The following DLGAP2 variants were observed in gnomAD, a reference collection of about 807,000 sequenced individuals.
The protein encoded by DLGAP2 is disks large-associated protein 2.
A neutral mutation model predicts 100.3 loss-of-function variants in DLGAP2; 26 were observed. The observed-to-expected ratio is 0.26, with a 90% CI of 0.19 to 0.36. The LOEUF is 0.36. DLGAP2 is among the 10% of genes least tolerant of loss of function. The probability of loss-of-function intolerance (pLI) is 1.00; values close to 1 mark genes in which losing one functional copy is unlikely to be tolerated. For missense variants in DLGAP2, 1,858 were observed against 1,453.2 expected, an observed-to-expected ratio of 1.28 and a Z score of -4.53; for synonymous variants, 886 against 630.1, an observed-to-expected ratio of 1.41 and a Z score of -6.08.
chr8:1,188,136 G>A (rs1441567554), intron 2 of DLGAP2, among the ~76,000 whole-genome samples: 69 of 55,542 alleles, frequency 1.2e-3, no homozygotes, highest in African/African-American at 1.9e-3. Flanking sequence ...ACGGAATCTC[G>A]CACGCCCGGG....
intron 1 of DLGAP2, among the ~76,000 whole-genome samples, chr8:813,813 AG>A (rs2132674343): frequency 6.6e-6 from 1 of 152,294 alleles, no homozygotes; most frequent in South Asian, 2.1e-4. Flanking sequence ...GCAGATAAAC[AG>A]TGAGATGCCT....
chr8:1,311,727 TTAGAAG>T (rs1800618949), intron 3 of DLGAP2, among the ~76,000 whole-genome samples: 1 of 151,344 alleles, frequency 6.6e-6, no homozygotes, highest in Non-Finnish European at 1.5e-5. Context: ...TCTTATAAAA[TTAGAAG>T]TAGAAGGAAA....
chr8:994,038 C>G (rs899625756), intron 2 of DLGAP2, among the ~76,000 whole-genome samples: 1 of 152,060 alleles, frequency 6.6e-6, no homozygotes. Context: ...TGCACTTAAA[C>G]CCAGCAGGCG....
At chr8:1,254,472 G>T (rs561289315) in intron 2 of DLGAP2, among the ~76,000 whole-genome samples, 15 of 152,150 alleles carry the variant, frequency 9.9e-5, no homozygotes, top group Non-Finnish European at 8.8e-5. Context: ...CTTCTATGTC[G>T]TGGGCCTCCT....
chr8:1,337,829 A>T (rs891592587), intron 3 of DLGAP2, among the ~76,000 whole-genome samples: 3 of 152,222 alleles, frequency 2.0e-5, no homozygotes, highest in South Asian at 2.1e-4. Context: ...TTATATAAAG[A>T]ATTCTTCCAA....
chr8:1,500,382 C>T (rs1449592302), intron 3 of DLGAP2, among the ~76,000 whole-genome samples: 1 of 150,774 alleles, frequency 6.6e-6, no homozygotes. Flanking sequence ...GGCAGAGCCT[C>T]CCTGAGATCC....
intron 4 of DLGAP2, among the ~76,000 whole-genome samples, chr8:1,504,309 C>G (rs910422253): frequency 6.6e-6 from 1 of 151,904 alleles, no homozygotes; most frequent in Non-Finnish European, 1.5e-5. Flanking sequence ...GTATAGTATA[C>G]AACGTGATGT....
chr8:1,142,546 C>G (rs1585099004), intron 2 of DLGAP2, among the ~76,000 whole-genome samples: 1 of 152,180 alleles, frequency 6.6e-6, no homozygotes. Context: ...GAAGATAAAA[C>G]ATGGCATTTC....
chr8:1,102,338 ATAAT>A (rs2129043971), intron 2 of DLGAP2, among the ~76,000 whole-genome samples: 1 of 147,696 alleles, frequency 6.8e-6, no homozygotes, highest in Non-Finnish European at 1.5e-5. Flanking sequence ...AATTACATAT[ATAAT>A]TATATATTAT....
chr8:1,333,623 G>A (rs886985370), intron 3 of DLGAP2, among the ~76,000 whole-genome samples: 3 of 152,218 alleles, frequency 2.0e-5, no homozygotes, highest in African/African-American at 7.2e-5. Context: ...GGCAGCGACT[G>A]TGGCGTGAGA....
intron 2 of DLGAP2, among the ~76,000 whole-genome samples, chr8:916,090 C>T (rs934858616): frequency 1.3e-5 from 2 of 152,088 alleles, no homozygotes; most frequent in African/African-American, 2.4e-5. Flanking sequence ...GTCCATCTGT[C>T]CCAGGGCGTG....
intron 3 of DLGAP2, among the ~76,000 whole-genome samples, chr8:1,345,582 G>A (rs1321215646): frequency 6.6e-6 from 1 of 152,222 alleles, no homozygotes; most frequent in African/African-American, 2.4e-5. Flanking sequence ...TTGTGTGGAT[G>A]TAATTCCTTG....
chr8:1,622,105 TACAC>T (rs761766196), intron 6 of DLGAP2: 11 of 152,258 alleles, frequency 7.2e-5, no homozygotes, highest in Non-Finnish European at 1.3e-4. Flanking sequence ...GGTGGAATAA[TACAC>T]ACATGTGCAC....
rs1245134708 is a variant in DLGAP2 at position 1,435,819 on chromosome 8, C to T, written c.107-65547C>T. 5.3e-5 allele frequency among the ~76,000 whole-genome samples: 8 copies of T among 151,780 alleles called. No homozygotes were observed. In the East Asian group the frequency reaches 1.4e-3, roughly 26 times the overall value. On this transcript the variant is annotated intron_variant, in intron 3 of 14. Transcript: ENST00000637795. ...AGATGGTGATATCGACAGTCCTGAC[C>T]CTGCGCAGGTAGAGGCTGATGTGTT... is the stretch of plus-strand genomic sequence containing the variant.
chr8:1,448,774 C>T (rs1488823679), intron 3 of DLGAP2, among the ~76,000 whole-genome samples: 2 of 152,198 alleles, frequency 1.3e-5, no homozygotes, highest in East Asian at 1.9e-4. Context: ...TCCCGTTCCC[C>T]TCACTGCGTG....
intron 1 of DLGAP2, among the ~76,000 whole-genome samples, chr8:865,081 G>A (rs1459129804): frequency 6.6e-6 from 1 of 152,152 alleles, no homozygotes; most frequent in East Asian, 1.9e-4. Context: ...TCAGCTATGC[G>A]GTCTCATGGC....
At chr8:1,417,283 A>T (rs973566666) in intron 3 of DLGAP2, among the ~76,000 whole-genome samples, 2 of 151,876 alleles carry the variant, frequency 1.3e-5, no homozygotes, top group Admixed American at 1.3e-4. Flanking sequence ...GCGGGAGGAG[A>T]GACCGGCGTT....
intron 2 of DLGAP2, among the ~76,000 whole-genome samples, chr8:1,118,555 T>TGCTGCTGCTGCTGCG (rs2129047125): frequency 6.6e-6 from 1 of 152,290 alleles, no homozygotes; most frequent in Admixed American, 6.5e-5. Flanking sequence ...ATGGGGCTGC[T>TGCTGCTGCTGCTGCG]GCTGCTGCTG....
intron 4 of DLGAP2, among the ~76,000 whole-genome samples, chr8:1,546,454 C>T (rs1801538033): frequency 6.6e-6 from 1 of 152,242 alleles, no homozygotes; most frequent in Admixed American, 6.5e-5. Flanking sequence ...AATCGTATCC[C>T]TTCCTTATCC....
Sources: allele counts gnomAD v4.1 joint callset (sites outside exome capture counted in the v4.1 genomes callset), GRCh38; gene constraint gnomAD v4.1.1; transcripts MANE v1.5; gene names NCBI Gene and HGNC (gene_info 2026-07-23, HGNC 2026-07-21).